Variants in USP40 observed in about 807,000 individuals in gnomAD.
The protein encoded by USP40 is ubiquitin carboxyl-terminal hydrolase 40.
USP40 carries 143 observed loss-of-function variants against 166.2 expected under a neutral mutation model. The ratio of observed to expected loss-of-function variants is 0.86; its 90% CI spans 0.75 to 0.99. The LOEUF (loss-of-function observed/expected upper bound fraction) is 0.99, where lower values mean the gene tolerates loss of function less well. Ranked by LOEUF, USP40 falls within the 50% of genes least tolerant of loss-of-function variation. The probability of loss-of-function intolerance (pLI) is 0.00; values close to 1 mark genes in which losing one functional copy is unlikely to be tolerated. For synonymous variants in USP40, 498 were observed against 524.0 expected (o/e 0.95, Z 0.68); for missense variants, 1,444 against 1,479.7 (o/e 0.98, Z 0.40).
intron 5 of USP40, among the ~76,000 whole-genome samples, chr2:233,556,195 C>A (rs2071079223): frequency 6.6e-6 from 1 of 151,664 alleles, no homozygotes; most frequent in African/African-American, 2.4e-5. Context: ...CAAAAGCAGC[C>A]TTTTATTAAA....
intron 8 of USP40, among the ~76,000 whole-genome samples, 180 bp downstream of exon 8, chr2:233,548,921 G>C (rs2070261513): frequency 6.6e-6 from 1 of 152,114 alleles, no homozygotes; most frequent in East Asian, 1.9e-4. Flanking sequence ...TAATTTTTCT[G>C]TATGTGTGAA....
chr2:233,525,663 G>C (rs543634580), intron 13 of USP40, 101 bp from the exon 14 acceptor site: 1 of 813,272 alleles, frequency 1.2e-6, no homozygotes, highest in Non-Finnish European at 1.9e-6. Flanking sequence ...ATGACACAGA[G>C]AGCAAGCAAA....
Position 233,539,212 on chromosome 2 carries a change from C to CAAA in USP40, c.1170+1447_1170+1449dup, listed in dbSNP as rs56701014. On this transcript the variant is annotated intron_variant, in intron 10 of 31. Coordinates refer to ENST00000678225, the MANE Select transcript of USP40 (RefSeq NM_001365479.2). ...ATTCCTCAGTAATTAATAGAAAAGG[C>CAAA]AAAAAAAAAAATAAGAAGAATAGAG... is the stretch of plus-strand genomic sequence containing the variant. 9.7e-4 allele frequency among the ~76,000 whole-genome samples: 143 copies of CAAA among 146,970 alleles called. 1 individual carries two copies. Among genetic ancestry groups the CAAA allele is most frequent in the African/African-American group, 3.0e-3 (120 of 40,336 alleles).
chr2:233,558,472 C>T (rs1348748561), intron 4 of USP40, among the ~76,000 whole-genome samples: 1 of 151,678 alleles, frequency 6.6e-6, no homozygotes, highest in Non-Finnish European at 1.5e-5. Context: ...CATGAATGAA[C>T]CCTGAGAACA....
rs1376745157 is a variant in USP40 at position 233,539,224 on chromosome 2, T to A, written c.1170+1438A>T. Among the ~76,000 whole-genome samples the A allele has an allele frequency of 2.7e-4, 26 of 96,468 alleles. 1 individual carries two copies. The highest frequency in any genetic ancestry group is 1.7e-3 in the South Asian group (5 of 2,868). 63.3% of individuals were successfully genotyped at this position (96,468 alleles called of 152,430 possible). On this transcript the variant is annotated intron_variant, in intron 10 of 31. Transcript: ENST00000678225. Reference sequence around the variant, plus strand: ...TTAATAGAAAAGGCAAAAAAAAAAATAAGAAGAATAGAGAAGAAACAAAGA... The same window carrying A: ...TTAATAGAAAAGGCAAAAAAAAAAAAAAGAAGAATAGAGAAGAAACAAAGA...
At chr2:233,507,897 G>A (rs2066540218) in intron 21 of USP40, among the ~76,000 whole-genome samples, 3 of 107,870 alleles carry the variant, frequency 2.8e-5, no homozygotes, top group Admixed American at 1.7e-4. Context: ...TAAATACCCT[G>A]ATTTAATCAT....
intron 30 of USP40, among the ~76,000 whole-genome samples, chr2:233,485,026 C>T (rs1445918977): frequency 6.6e-6 from 1 of 152,158 alleles, no homozygotes; most frequent in East Asian, 1.9e-4. Context: ...ATATGTGCAT[C>T]AGGTTAAGGC....
In USP40 at chr2:233,554,421, A is replaced by G. The variant is rs750898092; in HGVS notation, c.652T>C (p.Tyr218His). ...AGCCTGTCACAAGTTCCACAGTGGT[A>G]CAAGTTGTCACAATCAAAAACTTCC... ...EEEVFDCDNL[Y>H]HCGTCDRLVK... Residue 218 changes from tyrosine to histidine, a missense_variant, in exon 6 of 32, where the codon TAC becomes CAC. Transcript: ENST00000678225. The G allele has an allele frequency of 6.2e-7, 1 of 1,613,260 alleles. No individual in the cohort carries two copies. The highest frequency in any genetic ancestry group is 1.1e-5 in the South Asian group (1 of 90,970).
At chr2:233,560,811 G>C in intron 3 of USP40, 1 of 468,592 alleles carries the variant, frequency 2.1e-6, no homozygotes, top group East Asian at 3.1e-5. Flanking sequence ...TTTTTTTTGT[G>C]TGGGGTGGAG....
chr2:233,510,283 T>C (rs1456105663), intron 20 of USP40, 148 bp from the exon 21 acceptor site: 4 of 626,998 alleles, frequency 6.4e-6, no homozygotes, highest in Non-Finnish European at 1.1e-5. Flanking sequence ...CTATGATTAA[T>C]GTTACAATTT....
intron 21 of USP40, among the ~76,000 whole-genome samples, chr2:233,505,773 C>T (rs1468510065): frequency 6.6e-6 from 1 of 152,068 alleles, no homozygotes; most frequent in Non-Finnish European, 1.5e-5. Context: ...TCAAACTACT[C>T]CAGAAAATTG....
chr2:233,509,939 A>G (rs1248245219), intron 21 of USP40, 110 bp downstream of exon 21: 6 of 783,464 alleles, frequency 7.7e-6, no homozygotes, highest in African/African-American at 1.7e-5. Flanking sequence ...GAAGTACACC[A>G]TATCAGGCCT....
intron 17 of USP40, among the ~76,000 whole-genome samples, chr2:233,520,346 A>G (rs2067567174): frequency 6.6e-6 from 1 of 152,162 alleles, no homozygotes; most frequent in Non-Finnish European, 1.5e-5. Context: ...TAGTGTATTC[A>G]TCATACAGTG....
At chr2:233,524,388 C>G (rs2067869364) in intron 15 of USP40, 104 bp downstream of exon 15, 6 of 966,312 alleles carry the variant, frequency 6.2e-6, no homozygotes, top group Non-Finnish European at 8.9e-6. Flanking sequence ...CCTCGCCCTC[C>G]CAAAGTGCTG....
At chr2:233,502,611 A>G (rs1038849741) in intron 21 of USP40, among the ~76,000 whole-genome samples, 2 of 152,094 alleles carry the variant, frequency 1.3e-5, no homozygotes, top group Non-Finnish European at 2.9e-5. Flanking sequence ...CAAGTGTGGC[A>G]GTATCCCCCT....
intron 10 of USP40, among the ~76,000 whole-genome samples, chr2:233,534,170 T>C (rs1259394722): frequency 2.0e-5 from 3 of 152,108 alleles, no homozygotes; most frequent in African/African-American, 7.2e-5. Flanking sequence ...AAAAGATAAT[T>C]TGAAAACCCA....
chr2:233,547,365 TA>T (rs2070059134), intron 8 of USP40, among the ~76,000 whole-genome samples: 1 of 152,214 alleles, frequency 6.6e-6, no homozygotes. Context: ...ACAGAACATG[TA>T]TCTCTCAATA....
chr2:233,498,730 G>C, intron 22 of USP40, 118 bp from the exon 23 acceptor site: 1 of 753,602 alleles, frequency 1.3e-6, no homozygotes, highest in Non-Finnish European at 2.2e-6. Flanking sequence ...AGATAATAAA[G>C]CTATGGGCCT....
intron 18 of USP40, among the ~76,000 whole-genome samples, chr2:233,516,125 G>A (rs538431644): frequency 6.6e-6 from 1 of 151,764 alleles, no homozygotes; most frequent in African/African-American, 2.4e-5. Flanking sequence ...CCCACTGGCT[G>A]AAAAAAAACA....
Sources: gnomAD v4.1 joint callset for allele counts (sites outside exome capture counted in the v4.1 genomes callset) on GRCh38, gnomAD v4.1.1 for gene constraint, MANE v1.5 for transcripts, NCBI Gene and HGNC (gene_info 2026-07-23, HGNC 2026-07-21) for gene names.